MAP2K5: variants seen among roughly 807,000 people sequenced by gnomAD.
MAP2K5 encodes the protein mitogen-activated protein kinase kinase 5, also known as dual specificity mitogen-activated protein kinase kinase 5.
In MAP2K5, 49 loss-of-function variants were observed where a neutral mutation model predicts 83.1. That is an observed-to-expected ratio of 0.59 (90% CI 0.47 to 0.75). The LOEUF (loss-of-function observed/expected upper bound fraction) is 0.75, where lower values mean the gene tolerates loss of function less well. Among genes scored for constraint, MAP2K5 ranks in the 30% least tolerant of loss-of-function variants. The probability of loss-of-function intolerance (pLI) is 0.00; values close to 1 mark genes in which losing one functional copy is unlikely to be tolerated. For synonymous variants in MAP2K5, 202 were observed against 191.8 expected (o/e 1.05, Z -0.44); for missense variants, 457 against 557.5 (o/e 0.82, Z 1.82).
rs1013505648 is a variant in MAP2K5 at position 67,565,386 on chromosome 15, T to C, written c.252+2036T>C. Among the ~76,000 whole-genome samples the C allele has an allele frequency of 6.6e-6, 1 of 152,060 alleles. No individual in the cohort carries two copies. The highest frequency in any genetic ancestry group is 2.4e-5 in the African/African-American group (1 of 41,404). ...CTGGGATTACAGGCACCCACCACCA[T>C]GCCTGGCTAATTTTTGTATTTTTAG... On this transcript the variant is annotated intron_variant, in intron 3 of 21. Transcript: ENST00000178640. The surrounding 1 kb of genome is among the most constrained non-coding windows in gnomAD (Gnocchi z 4.1).
rs532478455 is a variant in MAP2K5 at position 67,729,851 on chromosome 15, C to T, written c.1074+1906C>T. 8.5e-5 allele frequency among the ~76,000 whole-genome samples: 13 copies of T among 152,252 alleles called. 1 individual carries two copies. In the South Asian group the frequency reaches 2.7e-3, roughly 32 times the overall value. On this transcript the variant is annotated intron_variant, in intron 17 of 21. Transcript: ENST00000178640. The stretch of plus-strand genomic sequence containing the variant: ...GTCAAATTTGAGAAGAGGCTATTTA[C>T]CTTTGCAGTATGGTTTTCCTGAATG...
chr15:67,585,676 G>A (rs1285887720), intron 4 of MAP2K5: 48 of 519,790 alleles, frequency 9.2e-5, no homozygotes, highest in Non-Finnish European at 1.4e-4. Context: ...ATTTATATGA[G>A]GTGGTGTCAG....
chr15:67,612,283 T>C (rs1054821166), intron 8 of MAP2K5, among the ~76,000 whole-genome samples: 4 of 152,138 alleles, frequency 2.6e-5, no homozygotes, highest in African/African-American at 9.7e-5. Context: ...TCTAAATGGA[T>C]TGGAGAATAA....
At chr15:67,605,346 C>A (rs151016055) in intron 8 of MAP2K5, among the ~76,000 whole-genome samples, 2,226 of 151,236 alleles carry the variant, frequency 0.015, 22 homozygotes, top group Middle Eastern at 0.021. Flanking sequence ...AATCACCACC[C>A]CCAGCCAGCC....
chr15:67,626,123 A>T (rs2086314766), intron 8 of MAP2K5, among the ~76,000 whole-genome samples: 1 of 152,226 alleles, frequency 6.6e-6, no homozygotes, highest in Non-Finnish European at 1.5e-5. Flanking sequence ...AAAAGTTGGA[A>T]TTGGAAGAAT....
In MAP2K5 at chr15:67,690,870, A is replaced by G. The variant is rs992252740; in HGVS notation, c.848-1609A>G. Among the ~76,000 whole-genome samples, 1 of 152,306 alleles carries G rather than the reference A, an allele frequency of 6.6e-6. No individual in the cohort carries two copies. Among genetic ancestry groups the G allele is most frequent in the African/African-American group, 2.4e-5 (1 of 41,564 alleles). ...AATTTAATGTATCATATAAAAAGCCATTAATCAGTGAGCAAGATACTGTGC... is the reference window on the plus strand; with the variant it reads ...AATTTAATGTATCATATAAAAAGCCGTTAATCAGTGAGCAAGATACTGTGC... On this transcript the variant is annotated intron_variant, in intron 13 of 21. Coordinates refer to ENST00000178640, the MANE Select transcript of MAP2K5 (RefSeq NM_145160.3). This position sits in a 1 kb window ranked among gnomAD's most constrained non-coding sequence, Gnocchi z 4.3.
At chr15:67,550,777 CTTTTTTTT>C (rs11334748) in intron 2 of MAP2K5, among the ~76,000 whole-genome samples, 10 of 135,714 alleles carry the variant, frequency 7.4e-5, no homozygotes, top group Admixed American at 1.5e-4. Flanking sequence ...TTTCTTTTTT[CTTTTTTTT>C]TTTTGCCGCA....
Position 67,762,431 on chromosome 15 carries a change from T to A in MAP2K5, c.1135-7171T>A, listed in dbSNP as rs183642543. On this transcript the variant is annotated intron_variant, in intron 19 of 21. Coordinates refer to ENST00000178640, the MANE Select transcript of MAP2K5 (RefSeq NM_145160.3). ...ATTGGCTTTGGAAAGGAAGCAATTA[T>A]AAATACAGTTTAAAAGATTAACCTA... is the stretch of plus-strand genomic sequence containing the variant. Among the ~76,000 whole-genome samples the A allele has an allele frequency of 3.9e-3, 587 of 152,312 alleles. 6 individuals carry two copies. The highest frequency in any genetic ancestry group is 0.013 in the African/African-American group (544 of 41,576).
At chr15:67,703,518 A>G (rs1807468598) in intron 16 of MAP2K5, 110 bp downstream of exon 16, 10 of 830,626 alleles carry the variant, frequency 1.2e-5, no homozygotes, top group Admixed American at 4.4e-5. Context: ...AGCATGTTAT[A>G]TAGATGTATA....
At chr15:67,682,956 A>G (rs2087857816) in intron 13 of MAP2K5, among the ~76,000 whole-genome samples, 1 of 151,902 alleles carries the variant, frequency 6.6e-6, no homozygotes, top group African/African-American at 2.4e-5. Context: ...CCTGGCCAAC[A>G]CAGCAAAACC....
Position 67,585,751 on chromosome 15 carries a change from T to G in MAP2K5, c.323-139T>G. The G allele has an allele frequency of 7.3e-6, 5 of 680,668 alleles. No individual in the cohort carries two copies. In the South Asian group the frequency reaches 8.5e-5, roughly 12 times the overall value. 42.2% of individuals were successfully genotyped at this position (680,668 alleles called of 1,614,324 possible). On this transcript the variant is annotated intron_variant, in intron 4 of 21. Coordinates refer to ENST00000178640, the MANE Select transcript of MAP2K5 (RefSeq NM_145160.3). ...AAAACCCTGGTTCATAATTCCCACTTTGGGTCTTGGGAGCCACTTTTCAAT... is the reference window on the plus strand; with the variant it reads ...AAAACCCTGGTTCATAATTCCCACTGTGGGTCTTGGGAGCCACTTTTCAAT...
chr15:67,657,700 G>T (rs941080718), intron 11 of MAP2K5, among the ~76,000 whole-genome samples: 3 of 151,154 alleles, frequency 2.0e-5, no homozygotes, highest in African/African-American at 7.3e-5. Flanking sequence ...CTTTAAATGG[G>T]ATAAATATAA....
intron 9 of MAP2K5, among the ~76,000 whole-genome samples, chr15:67,631,392 T>C (rs2086470006): frequency 6.6e-6 from 1 of 152,240 alleles, no homozygotes; most frequent in African/African-American, 2.4e-5. Context: ...ACCTGGACTT[T>C]TGAAATAACT....
intron 15 of MAP2K5, among the ~76,000 whole-genome samples, chr15:67,699,163 G>A (rs914108722): frequency 1.3e-4 from 20 of 150,036 alleles, no homozygotes; most frequent in East Asian, 5.9e-4. Flanking sequence ...CAAATGCACC[G>A]AAGAGCTAAA....
chr15:67,691,462 G>T (rs1200333244), intron 13 of MAP2K5, among the ~76,000 whole-genome samples: 1 of 152,108 alleles, frequency 6.6e-6, no homozygotes, highest in Non-Finnish European at 1.5e-5. Context: ...CCCTTTTGCC[G>T]GATGGAAGGT....
intron 2 of MAP2K5, among the ~76,000 whole-genome samples, chr15:67,556,835 G>A (rs2084637746): frequency 6.6e-6 from 1 of 152,166 alleles, no homozygotes; most frequent in Admixed American, 6.5e-5. Flanking sequence ...TTACAGGTAT[G>A]AGCCACTGCT....
intron 8 of MAP2K5, among the ~76,000 whole-genome samples, chr15:67,627,348 GTAAACAGTTGTCACCCGGT>G (rs1263619874): frequency 6.6e-6 from 1 of 152,190 alleles, no homozygotes; most frequent in African/African-American, 2.4e-5. Flanking sequence ...CTTTGGTAAA[GTAAACAGTTGTCACCCGGT>G]TTTTGTAATC....
At chr15:67,697,126 G>A (rs185046275) in intron 15 of MAP2K5, among the ~76,000 whole-genome samples, 5 of 152,344 alleles carry the variant, frequency 3.3e-5, no homozygotes, top group Admixed American at 2.6e-4. Context: ...TGAGGGTGAA[G>A]AAGTGGGGAA....
intron 2 of MAP2K5, among the ~76,000 whole-genome samples, chr15:67,551,383 T>C (rs995919027): frequency 1.3e-5 from 2 of 151,618 alleles, no homozygotes; most frequent in African/African-American, 4.9e-5. Flanking sequence ...GTGCCTAGAC[T>C]GGAATGCTGT....
Sources: gnomAD v4.1 joint callset for allele counts (sites outside exome capture counted in the v4.1 genomes callset) on GRCh38, gnomAD v4.1.1 for gene constraint, Gnocchi (gnomAD v3.1) non-coding constraint, MANE v1.5 for transcripts, NCBI Gene and HGNC (gene_info 2026-07-23, HGNC 2026-07-21) for gene names.